Variants in ELF2 observed in about 807,000 individuals in gnomAD.
ELF2 encodes the protein E74 like ETS transcription factor 2.
A neutral mutation model predicts 54.8 loss-of-function variants in ELF2; 11 were observed. The observed-to-expected ratio is 0.20, with a 90% CI of 0.13 to 0.33. The LOEUF is 0.33. ELF2 is among the 10% of genes least tolerant of loss of function. The pLI, the probability that ELF2 is intolerant of heterozygous loss-of-function variation, is 1.00. For synonymous variants in ELF2, 203 were observed against 245.1 expected (o/e 0.83, Z 1.61); for missense variants, 513 against 703.0 (o/e 0.73, Z 3.06).
chr4:139,145,254 C>G (rs1739110699), intron 1 of ELF2, among the ~76,000 whole-genome samples: 3 of 152,264 alleles, frequency 2.0e-5, no homozygotes. Context: ...AGCCAACGCA[C>G]TACGGCTATT....
intron 4 of ELF2, among the ~76,000 whole-genome samples, chr4:139,089,727 G>T (rs1732383038): frequency 6.6e-6 from 1 of 152,068 alleles, no homozygotes; most frequent in South Asian, 2.1e-4. Flanking sequence ...AAGTATTCCA[G>T]TGTATGCATT....
chr4:139,135,103 G>A (rs1737991248), intron 3 of ELF2, among the ~76,000 whole-genome samples: 2 of 151,812 alleles, frequency 1.3e-5, no homozygotes, highest in South Asian at 4.2e-4. Context: ...TAAAACTCCA[G>A]ATACCTACCA....
intron 1 of ELF2, among the ~76,000 whole-genome samples, chr4:139,169,624 C>G (rs550231475): frequency 1.3e-3 from 194 of 152,052 alleles, no homozygotes; most frequent in African/African-American, 4.4e-3. Flanking sequence ...TTGGGAGGCC[C>G]AGGTGGGAGG....
Position 139,159,008 on chromosome 4 carries a change from C to T in ELF2, c.-252+17959G>A, listed in dbSNP as rs963914052. 2.6e-5 allele frequency among the ~76,000 whole-genome samples: 4 copies of T among 152,226 alleles called. No individual in the cohort carries two copies. In the East Asian group the frequency reaches 5.8e-4, roughly 22 times the overall value. ...GTGATTTGACTAATAAAGGCCGGTC[C>T]GTTATCGGACTGCAGAGAGGTGGGA... On this transcript the variant is annotated intron_variant, in intron 1 of 9. Transcript: ENST00000686138.
chr4:139,154,226 A>G (rs1001705530), intron 1 of ELF2, among the ~76,000 whole-genome samples: 10 of 152,180 alleles, frequency 6.6e-5, no homozygotes, highest in Admixed American at 5.9e-4. Flanking sequence ...AATATTTTTT[A>G]TGTTTTGGCT....
intron 4 of ELF2, among the ~76,000 whole-genome samples, chr4:139,112,251 T>C (rs1303483282): frequency 5.3e-5 from 8 of 152,256 alleles, no homozygotes; most frequent in Admixed American, 2.6e-4. Flanking sequence ...ATTCTCTGCC[T>C]GAATAATTAC....
intron 4 of ELF2, among the ~76,000 whole-genome samples, chr4:139,118,687 T>G (rs1736006472): frequency 6.6e-6 from 1 of 151,750 alleles, no homozygotes; most frequent in African/African-American, 2.4e-5. Flanking sequence ...AGCATTTGTT[T>G]TTTTTTTTTT....
chr4:139,107,422 T>C (rs1734524108), intron 4 of ELF2, among the ~76,000 whole-genome samples: 1 of 152,226 alleles, frequency 6.6e-6, no homozygotes, highest in Admixed American at 6.5e-5. Context: ...TTTGAGGTGA[T>C]GGATATCCCA....
At chr4:139,117,389 A>G (rs1470066858) in intron 4 of ELF2, among the ~76,000 whole-genome samples, 2 of 152,172 alleles carry the variant, frequency 1.3e-5, no homozygotes, top group Admixed American at 6.5e-5. Flanking sequence ...ATACTTTCCA[A>G]TTTTTTCCAT....
In ELF2 at chr4:139,065,126, A is replaced by G. The variant is rs1728502595; in HGVS notation, c.613+2558T>C. On this transcript the variant is annotated intron_variant, in intron 7 of 9. Transcript: ENST00000686138. ...ACATAGACAATGCCCTGTACATAAG[A>G]TATCTGAATGTTTCCATGTTTTGAA... Among the ~76,000 whole-genome samples the G allele has an allele frequency of 2.0e-5, 3 of 152,138 alleles. No homozygotes were observed. The South Asian group carries it at 6.2e-4, about 32-fold the overall frequency.
chr4:139,123,088 G>A (rs998435542), intron 4 of ELF2, among the ~76,000 whole-genome samples: 2 of 151,272 alleles, frequency 1.3e-5, no homozygotes, highest in Admixed American at 6.6e-5. Flanking sequence ...GGAGGCTGAG[G>A]CAGGAGAATC....
chr4:139,139,621 G>A (rs919084082), intron 1 of ELF2, 124 bp from the exon 2 acceptor site: 15 of 381,806 alleles, frequency 3.9e-5, no homozygotes, highest in Admixed American at 2.0e-4. Flanking sequence ...GCCATATGTC[G>A]CACATTCACA....
chr4:139,175,554 T>C (rs919590724), intron 1 of ELF2, among the ~76,000 whole-genome samples: 2 of 152,236 alleles, frequency 1.3e-5, no homozygotes, highest in Non-Finnish European at 2.9e-5. Context: ...ATATAAGTCA[T>C]TCTACCTTTT....
At chr4:139,089,094 TC>T (rs1376135588) in intron 4 of ELF2, among the ~76,000 whole-genome samples, 1 of 152,226 alleles carries the variant, frequency 6.6e-6, no homozygotes, top group Non-Finnish European at 1.5e-5. Context: ...GATTCAAAAA[TC>T]AGCATATCAA....
chr4:139,157,137 C>T (rs1740630394), intron 1 of ELF2, among the ~76,000 whole-genome samples: 1 of 152,132 alleles, frequency 6.6e-6, no homozygotes, highest in Non-Finnish European at 1.5e-5. Flanking sequence ...CACAATATGG[C>T]TTATTGCTCC....
At chr4:139,084,178 G>A in intron 4 of ELF2, 1 of 1,613,524 alleles carries the variant, frequency 6.2e-7, no homozygotes, top group Non-Finnish European at 8.5e-7. Flanking sequence ...CCCTCATGCA[G>A]AGACGTCGCC....
chr4:139,060,692 A>G lies in ELF2; in HGVS notation c.807-18T>C. The G allele has an allele frequency of 6.4e-7, 1 of 1,552,874 alleles. No individual in the cohort carries two copies. Among genetic ancestry groups the G allele is most frequent in the Non-Finnish European group, 8.7e-7 (1 of 1,149,894 alleles). ...AGTAGTATCTGTAAGGGGAAAATGT[A>G]CCAAATGAATCAAGTATATTATTTC... is the stretch of plus-strand genomic sequence containing the variant. On this transcript the variant is annotated intron_variant, in intron 8 of 9. Transcript: ENST00000686138.
At chr4:139,176,688 CCGCGCCCCGCGCTCCCCGCGGGCAGG>C (rs1432275133) in intron 1 of ELF2, among the ~76,000 whole-genome samples, 68 of 152,248 alleles carry the variant, frequency 4.5e-4, no homozygotes, top group African/African-American at 1.6e-3. Context: ...CAGCCCTGCC[CCGCGCCCCGCGCTCCCCGCGGGCAGG>C]CGCGCAGCGC....
chr4:139,150,413 C>T, intron 1 of ELF2, among the ~76,000 whole-genome samples: 1 of 151,312 alleles, frequency 6.6e-6, no homozygotes, highest in Admixed American at 6.6e-5. Flanking sequence ...CACCTGTAGT[C>T]CCGGCTGAGG....
Sources: gnomAD v4.1 joint callset for allele counts (sites outside exome capture counted in the v4.1 genomes callset) on GRCh38, gnomAD v4.1.1 for gene constraint, MANE v1.5 for transcripts, NCBI Gene and HGNC (gene_info 2026-07-23, HGNC 2026-07-21) for gene names.